TMEM213: variants seen among roughly 807,000 people sequenced by gnomAD.
The protein encoded by TMEM213 is transmembrane protein 213.
Under a neutral mutation model 11.6 loss-of-function variants are expected in TMEM213, and 7 were observed. The observed-to-expected ratio is 0.60, with a 90% CI of 0.34 to 1.13. The LOEUF is 1.13. Ranked by LOEUF, TMEM213 falls within the 50% of genes most tolerant of loss-of-function variation. The probability of loss-of-function intolerance (pLI) is 0.03; values close to 1 mark genes in which losing one functional copy is unlikely to be tolerated. For missense variants in TMEM213, 129 were observed against 139.0 expected, an observed-to-expected ratio of 0.93 and a Z score of 0.36; for synonymous variants, 60 against 58.3, an observed-to-expected ratio of 1.03 and a Z score of -0.13.
chr7:138,798,072 C>T lies in TMEM213; in HGVS notation c.-33C>T, dbSNP rs915193847. The T allele has an allele frequency of 3.2e-6, 5 of 1,576,372 alleles. No homozygotes were observed. The highest frequency in any genetic ancestry group is 4.3e-6 in the Non-Finnish European group (5 of 1,161,610). On this transcript the variant is annotated 5_prime_UTR_variant, in exon 1 of 3. Coordinates refer to ENST00000442682, the MANE Select transcript of TMEM213 (RefSeq NM_001085429.2). ...TCGGCACAACTCCGCAGGACCGGCT[C>T]ACCTGCACCGGGCACTCAGCACAGC...
In TMEM213 at chr7:138,798,098, C is replaced by G. The variant is rs1808777661; in HGVS notation, c.-7C>G. Reference sequence around the variant, plus strand: ...ACCTGCACCGGGCACTCAGCACAGCCTCCAGCATGCAGCGCCTCCCCGCTG... The same window carrying G: ...ACCTGCACCGGGCACTCAGCACAGCGTCCAGCATGCAGCGCCTCCCCGCTG... On this transcript the variant is annotated 5_prime_UTR_variant, in exon 1 of 3. Coordinates refer to ENST00000442682, the MANE Select transcript of TMEM213 (RefSeq NM_001085429.2). 6.3e-7 allele frequency: 1 copy of G among 1,594,508 alleles called. No individual in the cohort carries two copies. Among genetic ancestry groups the G allele is most frequent in the African/African-American group, 1.3e-5 (1 of 74,560 alleles).
chr7:138,798,398 C>T (rs965515666), intron 1 of TMEM213: 76 of 565,822 alleles, frequency 1.3e-4, no homozygotes, highest in African/African-American at 8.7e-4. Context: ...TGGCCTGAGA[C>T]GGAGATCAGA....
intron 1 of TMEM213, chr7:138,799,238 A>G (rs1186977635): frequency 6.6e-6 from 1 of 152,258 alleles, no homozygotes; most frequent in East Asian, 1.9e-4. Context: ...AATGTCAGCA[A>G]TTATGGTAAG....
intron 1 of TMEM213, among the ~76,000 whole-genome samples, chr7:138,800,708 T>TC (rs1554404923): frequency 0.089 from 13,159 of 147,058 alleles, 622 homozygotes; most frequent in Non-Finnish European, 0.12. Context: ...CTTCTTCTTT[T>TC]TTTTTTTTTT....
intron 2 of TMEM213, 163 bp downstream of exon 2, chr7:138,801,561 G>T: frequency 1.5e-6 from 1 of 658,314 alleles, no homozygotes; most frequent in Non-Finnish European, 2.6e-6. Flanking sequence ...TGCAGAGCAG[G>T]TCTGAAAGGC....
intron 1 of TMEM213, 21 bp from the exon 2 acceptor site, chr7:138,801,306 A>G (rs748628525): frequency 5.0e-5 from 81 of 1,605,370 alleles, no homozygotes; most frequent in Non-Finnish European, 6.2e-5. Context: ...GCCTCAGACT[A>G]TCTCCTATCT....
intron 2 of TMEM213, 30 bp downstream of exon 2, chr7:138,801,428 C>T: frequency 6.3e-7 from 1 of 1,581,598 alleles, no homozygotes; most frequent in Non-Finnish European, 8.6e-7. Flanking sequence ...TGCTCTAACC[C>T]CAGAACTGGC....
intron 1 of TMEM213, among the ~76,000 whole-genome samples, chr7:138,800,689 CTT>C: frequency 1.2e-5 from 1 of 85,394 alleles, no homozygotes; most frequent in Non-Finnish European, 2.5e-5. Flanking sequence ...TCTTCTTCTT[CTT>C]CTTCTTCTTC....
Position 138,803,375 on chromosome 7 carries a change from C to T in TMEM213, c.*306C>T. 1 of 317,496 alleles carries T rather than the reference C, an allele frequency of 3.1e-6. No individual in the cohort carries two copies. Among genetic ancestry groups the T allele is most frequent in the Non-Finnish European group, 5.9e-6 (1 of 170,372 alleles). The allele number at this position is 317,496 out of a possible 1,614,324, so 19.7% of individuals were successfully genotyped here. On this transcript the variant is annotated 3_prime_UTR_variant, in exon 3 of 3. Coordinates refer to ENST00000442682, the MANE Select transcript of TMEM213 (RefSeq NM_001085429.2). ...GGGAGGTGCACAAGAAACTATAAGA[C>T]TTAGTCTCATCATCAACATTTTCAG...
intron 1 of TMEM213, among the ~76,000 whole-genome samples, chr7:138,798,583 C>T (rs564308678): frequency 1.1e-4 from 16 of 152,248 alleles, no homozygotes; most frequent in African/African-American, 3.4e-4. Context: ...CTTTGCAATC[C>T]TCCCTGTGCA....
At chr7:138,802,491 C>G (rs1808979072) in intron 2 of TMEM213, among the ~76,000 whole-genome samples, 1 of 148,230 alleles carries the variant, frequency 6.7e-6, no homozygotes, top group Admixed American at 6.8e-5. Context: ...GCAGAAGTTG[C>G]AGTGAGCTGA....
rs771351939 is a variant in TMEM213 at position 138,798,029 on chromosome 7, C to T, written c.-76C>T. The T allele has an allele frequency of 5.2e-6, 8 of 1,552,880 alleles. No individual in the cohort carries two copies. The African/African-American group carries it at 9.6e-5, about 19-fold the overall frequency. On this transcript the variant is annotated 5_prime_UTR_variant, in exon 1 of 3. Coordinates refer to ENST00000442682, the MANE Select transcript of TMEM213 (RefSeq NM_001085429.2). ...TCCAGCTCCTGCAGGTGGGAGTCGA[C>T]TCACCTGCAGCAGGCACTCGGCACA...
In TMEM213 at chr7:138,805,796, G is replaced by C. The variant is rs1267088031; in HGVS notation, c.*2727G>C. The C allele has an allele frequency of 2.6e-5, 4 of 152,154 alleles. No individual in the cohort carries two copies. Among genetic ancestry groups the C allele is most frequent in the African/African-American group, 9.7e-5 (4 of 41,440 alleles). 9.4% of individuals were successfully genotyped at this position (152,154 alleles called of 1,614,324 possible). ...CCATTTCAGTCGCTTCATGGAATCGGGGTAGGCATGAGGCCCGTTGTTCTT... is the reference window on the plus strand; with the variant it reads ...CCATTTCAGTCGCTTCATGGAATCGCGGTAGGCATGAGGCCCGTTGTTCTT... On this transcript the variant is annotated 3_prime_UTR_variant, in exon 3 of 3. Transcript: ENST00000442682.
Position 138,805,204 on chromosome 7 carries a change from G to A in TMEM213, c.*2135G>A, listed in dbSNP as rs1809056964. 7.7e-6 allele frequency: 1 copy of A among 129,062 alleles called. No individual in the cohort carries two copies. The allele number at this position is 129,062 out of a possible 1,614,324, so 8.0% of individuals were successfully genotyped here. A position where few individuals can be genotyped will look rare whatever the true frequency, so the allele number is the denominator to read the frequency against. Reference sequence around the variant, plus strand: ...CATACATAAAAGAGTCTGAGCCTGAGCAACATAATGAGACCCTGTCTCTAC... The same window carrying A: ...CATACATAAAAGAGTCTGAGCCTGAACAACATAATGAGACCCTGTCTCTAC... On this transcript the variant is annotated 3_prime_UTR_variant, in exon 3 of 3. Coordinates refer to ENST00000442682, the MANE Select transcript of TMEM213 (RefSeq NM_001085429.2).
chr7:138,801,206 T>C (rs1340213518), intron 1 of TMEM213, 121 bp from the exon 2 acceptor site: 2 of 892,480 alleles, frequency 2.2e-6, no homozygotes, highest in South Asian at 1.5e-5. Context: ...AATATGCCCA[T>C]GCGGGAGCTT....
At chr7:138,798,301 C>G (rs894411050) in intron 1 of TMEM213, 115 bp downstream of exon 1, 7 of 834,860 alleles carry the variant, frequency 8.4e-6, no homozygotes, top group Admixed American at 3.2e-5. Flanking sequence ...GTTGGTCCTG[C>G]GCAAAGGAAG....
At position 138,798,048 on chromosome 7, in the gene TMEM213, C is replaced by T. The variant is rs1347414244; in HGVS notation, c.-57C>T. On this transcript the variant is annotated 5_prime_UTR_variant, in exon 1 of 3. Transcript: ENST00000442682. The stretch of plus-strand genomic sequence containing the variant: ...AGTCGACTCACCTGCAGCAGGCACT[C>T]GGCACAACTCCGCAGGACCGGCTCA... 2.6e-6 allele frequency: 4 copies of T among 1,558,518 alleles called. No individual in the cohort carries two copies. Among genetic ancestry groups the T allele is most frequent in the South Asian group, 2.4e-5 (2 of 84,436 alleles).
intron 1 of TMEM213, among the ~76,000 whole-genome samples, chr7:138,800,966 TG>T (rs1220538337): frequency 1.3e-5 from 2 of 152,102 alleles, no homozygotes; most frequent in South Asian, 2.1e-4. Context: ...CCCAAAATGC[TG>T]GGATTACAGG....
intron 1 of TMEM213, among the ~76,000 whole-genome samples, chr7:138,799,089 C>T (rs537945117): frequency 3.7e-4 from 57 of 152,240 alleles, no homozygotes; most frequent in African/African-American, 1.3e-3. Context: ...ACTAGCTATG[C>T]GACCTCGAGC....
Sources: gnomAD v4.1 joint callset for allele counts (sites outside exome capture counted in the v4.1 genomes callset) on GRCh38, gnomAD v4.1.1 for gene constraint, MANE v1.5 for transcripts, NCBI Gene and HGNC (gene_info 2026-07-23, HGNC 2026-07-21) for gene names.